The following PPME1 variants were observed in gnomAD, a reference collection of about 807,000 sequenced individuals.
PPME1 encodes the protein testicular secretory protein Li 39.
Under a neutral mutation model 56.9 loss-of-function variants are expected in PPME1, and 17 were observed. The ratio of observed to expected loss-of-function variants is 0.30; its 90% CI spans 0.20 to 0.45. The LOEUF is 0.45. PPME1 is among the 20% of genes least tolerant of loss of function. PPME1 has a pLI of 1.00. For missense variants in PPME1, 357 were observed against 483.2 expected (o/e 0.74, Z 2.45); for synonymous variants, 122 against 156.2 (o/e 0.78, Z 1.63).
intron 8 of PPME1, 110 bp from the exon 9 acceptor site, chr11:74,239,023 G>T: frequency 9.1e-7 from 1 of 1,093,516 alleles, no homozygotes; most frequent in South Asian, 1.7e-5. Context: ...CAGGATGATT[G>T]TTAAGTTTTA....
intron 1 of PPME1, among the ~76,000 whole-genome samples, chr11:74,200,357 TTGTGTGTG>T (rs71919163): frequency 0.012 from 1,683 of 145,856 alleles, 17 homozygotes; most frequent in Non-Finnish European, 0.015. Flanking sequence ...GTCATGTGTT[TTGTGTGTG>T]TGTGTGTGTG....
At chr11:74,231,873 T>C (rs1859076796) in intron 7 of PPME1, among the ~76,000 whole-genome samples, 1 of 152,256 alleles carries the variant, frequency 6.6e-6, no homozygotes, top group South Asian at 2.1e-4. Flanking sequence ...CAGAATTCCA[T>C]TTAAGCAAAG....
chr11:74,218,331 A>C (rs2135643466), intron 3 of PPME1, among the ~76,000 whole-genome samples: 1 of 152,336 alleles, frequency 6.6e-6, no homozygotes, highest in Non-Finnish European at 1.5e-5. Context: ...CGTAGCACCC[A>C]AAACAATCTA....
At chr11:74,239,292 A>G (rs371247981) in intron 9 of PPME1, 36 bp downstream of exon 9, 425 of 1,605,242 alleles carry the variant, frequency 2.6e-4, no homozygotes, top group Non-Finnish European at 3.4e-4. Flanking sequence ...AAGATGCGGT[A>G]TGGAATGGTT....
chr11:74,251,161 C>T, intron 12 of PPME1, 143 bp downstream of exon 12: 1 of 1,473,284 alleles, frequency 6.8e-7, no homozygotes, highest in Non-Finnish European at 9.0e-7. Context: ...ACCAGCTCTC[C>T]AACTTCTCCC....
At chr11:74,227,862 A>G (rs933192076) in intron 5 of PPME1, among the ~76,000 whole-genome samples, 5 of 152,010 alleles carry the variant, frequency 3.3e-5, no homozygotes, top group Admixed American at 6.6e-5. Context: ...ACTACCTTCT[A>G]CCTGGGTAAA....
chr11:74,242,893 A>G (rs1043441231), intron 9 of PPME1, among the ~76,000 whole-genome samples: 1 of 151,394 alleles, frequency 6.6e-6, no homozygotes, highest in Non-Finnish European at 1.5e-5. Context: ...AAAAAAAAAA[A>G]AAAAAAAAAA....
chr11:74,224,456 A>G (rs1419283119), intron 4 of PPME1, among the ~76,000 whole-genome samples: 12 of 116,828 alleles, frequency 1.0e-4, no homozygotes, highest in Non-Finnish European at 1.9e-4. Flanking sequence ...TGAACTTTAA[A>G]GTAGTTTTTT....
Position 74,203,825 on chromosome 11 carries a change from T to C in PPME1, c.195+4T>C. On this transcript the variant is annotated splice_donor_region_variant and intron_variant, in intron 2 of 13. Transcript: ENST00000328257. ...AGAGAATGAAACTGGCAAGGATATA[T>C]CCTTTGCAAAATGGCTTATTCTTTA... 6.3e-7 allele frequency: 1 copy of C among 1,591,444 alleles called. No individual in the cohort carries two copies. Among genetic ancestry groups the C allele is most frequent in the South Asian group, 1.1e-5 (1 of 87,754 alleles).
intron 3 of PPME1, among the ~76,000 whole-genome samples, chr11:74,206,475 A>G (rs1858329225): frequency 1.3e-5 from 2 of 152,222 alleles, no homozygotes; most frequent in African/African-American, 4.8e-5. Context: ...AATACTTTAA[A>G]CAATAGCATT....
intron 1 of PPME1, among the ~76,000 whole-genome samples, chr11:74,174,990 A>G (rs987759586): frequency 1.3e-5 from 2 of 152,182 alleles, no homozygotes; most frequent in African/African-American, 2.4e-5. Flanking sequence ...ATAGATGCCA[A>G]TGGATGTTGC....
chr11:74,186,544 T>C (rs182822452), intron 1 of PPME1, among the ~76,000 whole-genome samples: 4 of 152,260 alleles, frequency 2.6e-5, no homozygotes, highest in African/African-American at 9.6e-5. Context: ...GTTTGGAAAA[T>C]GGGGATAATA....
chr11:74,184,729 G>A lies in PPME1; in HGVS notation c.101+13207G>A, dbSNP rs138905955. ...TGATGGATTATTTCATAGCCATAGTGTACAGTGACTGTTTACCTATTTCCC... is the reference window on the plus strand; with the variant it reads ...TGATGGATTATTTCATAGCCATAGTATACAGTGACTGTTTACCTATTTCCC... On this transcript the variant is annotated intron_variant, in intron 1 of 13. Transcript: ENST00000328257. 4.3e-3 allele frequency among the ~76,000 whole-genome samples: 652 copies of A among 152,232 alleles called. 3 individuals carry two copies. Among genetic ancestry groups the A allele is most frequent in the African/African-American group, 0.015 (623 of 41,544 alleles).
At chr11:74,190,584 C>A (rs1365140724) in intron 1 of PPME1, among the ~76,000 whole-genome samples, 2 of 152,196 alleles carry the variant, frequency 1.3e-5, no homozygotes, top group African/African-American at 4.8e-5. Context: ...TCAAGTATTT[C>A]TTTATAGCAG....
rs143980293 is a variant in PPME1, at chr11:74,186,404, G to C, written c.101+14882G>C. Among the ~76,000 whole-genome samples the C allele has an allele frequency of 2.8e-3, 424 of 151,810 alleles. 3 individuals carry two copies. Among genetic ancestry groups the C allele is most frequent in the African/African-American group, 9.1e-3 (374 of 41,144 alleles). The stretch of plus-strand genomic sequence containing the variant: ...GCCAGCTTTGATGATTTCAAGAATG[G>C]GGAACTTAATATTATTTTGAGGATA... On this transcript the variant is annotated intron_variant, in intron 1 of 13. Coordinates refer to ENST00000328257, the MANE Select transcript of PPME1 (RefSeq NM_016147.3).
At chr11:74,231,468 A>G (rs1859065891) in intron 7 of PPME1, among the ~76,000 whole-genome samples, 2 of 152,360 alleles carry the variant, frequency 1.3e-5, no homozygotes, top group South Asian at 4.1e-4. Flanking sequence ...CACCAAGTTC[A>G]AGGAATAGAA....
intron 7 of PPME1, among the ~76,000 whole-genome samples, chr11:74,231,542 T>C (rs564015239): frequency 6.6e-6 from 1 of 152,366 alleles, no homozygotes; most frequent in African/African-American, 2.4e-5. Context: ...GCAGAATTTT[T>C]TGAACATTTA....
intron 3 of PPME1, among the ~76,000 whole-genome samples, chr11:74,216,617 G>A (rs979138735): frequency 1.3e-4 from 19 of 151,950 alleles, no homozygotes; most frequent in Admixed American, 2.6e-4. Flanking sequence ...CGCAAAATTA[G>A]TAGGAGACAA....
chr11:74,246,087 C>T lies in PPME1; in HGVS notation c.846C>T (p.Asp282=). The change falls in exon 10 of 14, where the codon GAC becomes GAT. Residue 282 remains aspartate (D), a synonymous_variant. Transcript: ENST00000328257. ...TCTTATTCCTCCAGACCAAGAAAGA[C>T]CATCCATACACCTGGAGAATTGAAC... is the stretch of plus-strand genomic sequence containing the variant. ...KKEDDMETKK[D]HPYTWRIELA... is the part of the protein sequence containing the mutation. 6.3e-7 allele frequency: 1 copy of T among 1,580,004 alleles called. No individual in the cohort carries two copies. The highest frequency in any genetic ancestry group is 8.6e-7 in the Non-Finnish European group (1 of 1,161,850).
Sources: allele counts gnomAD v4.1 joint callset (sites outside exome capture counted in the v4.1 genomes callset), GRCh38; gene constraint gnomAD v4.1.1; transcripts MANE v1.5; gene names NCBI Gene and HGNC (gene_info 2026-07-23, HGNC 2026-07-21).